The following CRTAC1 variants were observed in gnomAD, a reference collection of about 807,000 sequenced individuals.
The protein encoded by CRTAC1 is acidic secreted protein in cartilage.
CRTAC1 carries 37 observed loss-of-function variants against 67.8 expected under a neutral mutation model. That is an observed-to-expected ratio of 0.55 (90% CI 0.42 to 0.72). The LOEUF (loss-of-function observed/expected upper bound fraction) is 0.72. CRTAC1 is among the 30% of genes least tolerant of loss of function. The pLI is 0.00. For missense variants in CRTAC1, 780 were observed against 931.6 expected, an observed-to-expected ratio of 0.84 and a Z score of 2.12; for synonymous variants, 348 against 371.0, an observed-to-expected ratio of 0.94 and a Z score of 0.71.
At chr10:97,914,866 ATC>A (rs1564891860) in intron 5 of CRTAC1, among the ~76,000 whole-genome samples, 1 of 151,940 alleles carries the variant, frequency 6.6e-6, no homozygotes, top group Non-Finnish European at 1.5e-5. Flanking sequence ...CTCTCTCCCA[ATC>A]TCTCGCTTGG....
intron 2 of CRTAC1, among the ~76,000 whole-genome samples, chr10:97,946,736 A>T (rs2051270763): frequency 6.6e-6 from 1 of 152,142 alleles, no homozygotes; most frequent in Non-Finnish European, 1.5e-5. Flanking sequence ...GAAGACAACA[A>T]ATGCTTCCCT....
At chr10:97,890,693 G>A (rs2050357853) in intron 11 of CRTAC1, among the ~76,000 whole-genome samples, 1 of 148,462 alleles carries the variant, frequency 6.7e-6, no homozygotes. Flanking sequence ...TTGAGACGGA[G>A]TTTCGCTTTT....
chr10:98,002,862 T>G (rs1842719424), intron 2 of CRTAC1, among the ~76,000 whole-genome samples: 1 of 129,970 alleles, frequency 7.7e-6, no homozygotes, highest in African/African-American at 2.9e-5. Context: ...CACTGCAAGC[T>G]CCGCCTCCCG....
At chr10:97,877,991 T>C (rs1205853603) in intron 14 of CRTAC1, among the ~76,000 whole-genome samples, 3 of 152,232 alleles carry the variant, frequency 2.0e-5, no homozygotes, top group South Asian at 2.1e-4. Context: ...CATTCCTCCA[T>C]GGGTTTTGGG....
intron 1 of CRTAC1, among the ~76,000 whole-genome samples, chr10:98,024,675 T>G (rs183578013): frequency 4.5e-4 from 69 of 152,046 alleles, no homozygotes; most frequent in Non-Finnish European, 9.1e-4. Flanking sequence ...AAAATTTTAA[T>G]TTTTTTAGTG....
chr10:97,904,806 C>T lies in CRTAC1; in HGVS notation c.859G>A (p.Asp287Asn). 6.3e-7 allele frequency: 1 copy of T among 1,596,628 alleles called. No homozygotes were observed. Among genetic ancestry groups the T allele is most frequent in the Non-Finnish European group, 8.5e-7 (1 of 1,173,170 alleles). ...ACACCTCGCCCATGCTGGTGGGGGTCGTCCACACCTGGGGAGGAGAGGCAG... is the reference window on the plus strand; with the variant it reads ...ACACCTCGCCCATGCTGGTGGGGGTTGTCCACACCTGGGGAGGAGAGGCAG... ...VDAAASAGVD[D>N]PHQHGRGVAL... The change falls in exon 7 of 15, where the codon GAC (aspartate) becomes AAC (asparagine). Residue 287 changes from aspartate to asparagine, a missense_variant. Physicochemically the swap from Asp to Asn is conservative, Grantham distance 23. Transcript: ENST00000370597.
At chr10:97,886,920 C>T (rs796531801) in intron 11 of CRTAC1, among the ~76,000 whole-genome samples, 32 of 152,020 alleles carry the variant, frequency 2.1e-4, no homozygotes, top group African/African-American at 7.2e-4. Context: ...GTTGGGATTA[C>T]AGACGTGACC....
chr10:97,970,490 T>C (rs2051690429), intron 2 of CRTAC1, among the ~76,000 whole-genome samples: 1 of 152,184 alleles, frequency 6.6e-6, no homozygotes, highest in African/African-American at 2.4e-5. Context: ...TCAGTTCTTA[T>C]TTGTCACTCC....
chr10:97,949,491 C>A (rs1249285403), intron 2 of CRTAC1, among the ~76,000 whole-genome samples: 1 of 152,230 alleles, frequency 6.6e-6, no homozygotes, highest in Non-Finnish European at 1.5e-5. Flanking sequence ...GTGGGGCAGG[C>A]ATTTAGGGTC....
intron 3 of CRTAC1, among the ~76,000 whole-genome samples, chr10:97,932,270 C>T (rs935571144): frequency 6.6e-6 from 1 of 152,156 alleles, no homozygotes; most frequent in Admixed American, 6.5e-5. Flanking sequence ...AGGACTAGAA[C>T]GGCTATTGTG....
intron 2 of CRTAC1, among the ~76,000 whole-genome samples, chr10:98,000,532 C>G (rs924687461): frequency 6.6e-6 from 1 of 152,244 alleles, no homozygotes; most frequent in African/African-American, 2.4e-5. Context: ...CCCCTTGCCA[C>G]TCCACATCTG....
rs527510536 is a variant in CRTAC1 at position 98,021,857 on chromosome 10, T to C, written c.24+8592A>G. On this transcript the variant is annotated intron_variant, in intron 1 of 14. Transcript: ENST00000370597. The stretch of plus-strand genomic sequence containing the variant: ...AACTAATTTGTCTAGGGGACCCTGA[T>C]GGAGTTCTTTGACTCCTTAAATACT... Among the ~76,000 whole-genome samples the C allele has an allele frequency of 3.3e-5, 5 of 152,228 alleles. No homozygotes were observed. The South Asian group carries it at 1.0e-3, about 32-fold the overall frequency.
At chr10:97,928,850 G>T (rs1427025484) in intron 3 of CRTAC1, among the ~76,000 whole-genome samples, 1 of 152,186 alleles carries the variant, frequency 6.6e-6, no homozygotes, top group East Asian at 1.9e-4. Flanking sequence ...TGGCAGGGCA[G>T]GGGAGACCCA....
chr10:97,889,849 C>T (rs569438446), intron 11 of CRTAC1, among the ~76,000 whole-genome samples: 4 of 152,254 alleles, frequency 2.6e-5, no homozygotes, highest in South Asian at 2.1e-4. Context: ...AGCTTCCCGC[C>T]GGCCCCTCCC....
chr10:97,958,820 G>A (rs1413169973), intron 2 of CRTAC1, among the ~76,000 whole-genome samples: 1 of 152,160 alleles, frequency 6.6e-6, no homozygotes, highest in Non-Finnish European at 1.5e-5. Flanking sequence ...AGGGGCCAGA[G>A]AGAATCCACC....
chr10:97,901,316 C>T (rs2050537404), intron 8 of CRTAC1, among the ~76,000 whole-genome samples, 187 bp downstream of exon 8: 1 of 152,366 alleles, frequency 6.6e-6, no homozygotes, highest in Non-Finnish European at 1.5e-5. Context: ...CCCTGCATTC[C>T]CACAGCCTCT....
chr10:97,925,793 AGT>A (rs978277659), intron 3 of CRTAC1, among the ~76,000 whole-genome samples: 16 of 151,956 alleles, frequency 1.1e-4, no homozygotes, highest in African/African-American at 2.9e-4. Flanking sequence ...AGAACAGTCA[AGT>A]GTGTGTGTGG....
At chr10:97,917,747 T>C in intron 4 of CRTAC1, 91 bp from the exon 5 acceptor site, 2 of 1,066,708 alleles carry the variant, frequency 1.9e-6, no homozygotes, top group Non-Finnish European at 2.6e-6. Flanking sequence ...ACCATAGCTC[T>C]TTCACAGGGT....
chr10:97,913,231 A>G (rs977928776), intron 5 of CRTAC1, among the ~76,000 whole-genome samples: 5 of 152,178 alleles, frequency 3.3e-5, no homozygotes, highest in African/African-American at 4.8e-5. Flanking sequence ...GAAAAATTAT[A>G]AGACAAGATA....
Sources: gnomAD v4.1 joint callset for allele counts (sites outside exome capture counted in the v4.1 genomes callset) on GRCh38, gnomAD v4.1.1 for gene constraint, MANE v1.5 for transcripts, NCBI Gene and HGNC (gene_info 2026-07-23, HGNC 2026-07-21) for gene names.